Variants in CDH18 observed in about 807,000 individuals in gnomAD.
The protein encoded by CDH18 is cadherin 18.
In CDH18, 31 loss-of-function variants were observed where a neutral mutation model predicts 67.9. The ratio of observed to expected loss-of-function variants is 0.46; its 90% CI spans 0.34 to 0.62. The LOEUF (loss-of-function observed/expected upper bound fraction) is 0.62. CDH18 is among the 20% of genes least tolerant of loss of function. CDH18 has a pLI of 0.01. For synonymous variants in CDH18, 362 were observed against 347.2 expected (o/e 1.04, Z -0.48); for missense variants, 890 against 975.5 (o/e 0.91, Z 1.17).
chr5:20,487,955 T>C (rs1256079421), intron 1 of CDH18, among the ~76,000 whole-genome samples: 3 of 152,122 alleles, frequency 2.0e-5, no homozygotes, highest in African/African-American at 7.2e-5. Context: ...TGTGGAAGTC[T>C]CCTCCAGCTG....
chr5:20,442,242 G>A (rs1345348519), intron 1 of CDH18, among the ~76,000 whole-genome samples: 1 of 151,786 alleles, frequency 6.6e-6, no homozygotes, highest in Admixed American at 6.6e-5. Flanking sequence ...ATACACAAGC[G>A]AAGGAAACTC....
chr5:19,921,306 C>G (rs529459113), intron 2 of CDH18, among the ~76,000 whole-genome samples: 24 of 151,988 alleles, frequency 1.6e-4, no homozygotes, highest in African/African-American at 5.1e-4. Context: ...CCAAGGCGGG[C>G]GGATCACGAG....
chr5:20,420,215 A>T (rs1194736927), intron 1 of CDH18, among the ~76,000 whole-genome samples: 2 of 151,310 alleles, frequency 1.3e-5, no homozygotes, highest in East Asian at 3.9e-4. Context: ...CCTTGTTAAT[A>T]CGCCAAACTC....
chr5:20,225,405 C>A (rs941859330), intron 2 of CDH18, among the ~76,000 whole-genome samples: 1 of 152,074 alleles, frequency 6.6e-6, no homozygotes, highest in Non-Finnish European at 1.5e-5. Flanking sequence ...GATCAACTTT[C>A]TACGTCATAA....
At chr5:20,192,752 A>T (rs1257962283) in intron 2 of CDH18, among the ~76,000 whole-genome samples, 1 of 152,124 alleles carries the variant, frequency 6.6e-6, no homozygotes, top group Non-Finnish European at 1.5e-5. Flanking sequence ...TGGTTACAGT[A>T]GCCTTGTAGT....
rs118165155 is a variant in CDH18, at chr5:19,694,772, T to C, written c.643+26575A>G. Among the ~76,000 whole-genome samples the C allele has an allele frequency of 4.6e-3, 700 of 152,048 alleles. 19 individuals carry two copies. The East Asian group carries it at 0.065, about 14-fold the overall frequency. On this transcript the variant is annotated intron_variant, in intron 5 of 12. Coordinates refer to ENST00000382275, the MANE Select transcript of CDH18 (RefSeq NM_004934.5). ...ACTGTTTATTGAATGTTAGTGATGA[T>C]TTGTTGAATAAATGAACAACAAGGA...
intron 2 of CDH18, among the ~76,000 whole-genome samples, chr5:20,182,957 C>G (rs942734069): frequency 4.6e-5 from 7 of 152,182 alleles, no homozygotes; most frequent in African/African-American, 1.7e-4. Flanking sequence ...ATAGTTTAAC[C>G]TGAAGGGTAT....
At chr5:19,865,175 A>G (rs1273928368) in intron 2 of CDH18, among the ~76,000 whole-genome samples, 1 of 152,082 alleles carries the variant, frequency 6.6e-6, no homozygotes, top group Non-Finnish European at 1.5e-5. Flanking sequence ...ATAAAGCCAC[A>G]CTTGCTGTGG....
rs757184101 is a variant in CDH18 at position 20,471,833 on chromosome 5, T to TTAAAAAAAAAAAAAAAAAAAA, written c.-580+103628_-580+103629insTTTTTTTTTTTTTTTTTTTTA. ...CTGGGCAACAGATCGAGATTCAGTC[T>TTAAAAAAAAAAAAAAAAAAAA]AAAAAAAAAAAAAAAAAAGCAAAAG... On this transcript the variant is annotated intron_variant, in intron 1 of 14. Coordinates refer to the CDH18 transcript ENST00000507958. Among the ~76,000 whole-genome samples the TTAAAAAAAAAAAAAAAAAAAA allele has an allele frequency of 6.4e-4, 33 of 51,486 alleles. 2 individuals are homozygous for TTAAAAAAAAAAAAAAAAAAAA. Among genetic ancestry groups the TTAAAAAAAAAAAAAAAAAAAA allele is most frequent in the African/African-American group, 2.1e-3 (32 of 15,488 alleles). The allele number at this position is 51,486 out of a possible 152,430, so 33.8% of individuals were successfully genotyped here.
intron 1 of CDH18, among the ~76,000 whole-genome samples, chr5:20,337,079 CTGGAAACCTGAT>C (rs1739843321): frequency 6.6e-6 from 1 of 152,326 alleles, no homozygotes; most frequent in Admixed American, 6.5e-5. Context: ...AGCCCCATTT[CTGGAAACCTGAT>C]TTCAGACCCC....
rs74716870 is a variant in CDH18 at position 19,877,243 on chromosome 5, G to A, written c.-256-38001C>T. 5.8e-3 allele frequency among the ~76,000 whole-genome samples: 886 copies of A among 152,026 alleles called. 10 individuals carry two copies. The highest frequency in any genetic ancestry group is 0.02 in the African/African-American group (827 of 41,486). ...AAAAAAAAAACCTATATTAAATGTCGTAAAAAGTGGGGAAAATCGTTACTT... is the reference window on the plus strand; with the variant it reads ...AAAAAAAAAACCTATATTAAATGTCATAAAAAGTGGGGAAAATCGTTACTT... On this transcript the variant is annotated intron_variant, in intron 2 of 12. Transcript: ENST00000382275.
chr5:20,164,954 A>C (rs936590672), intron 2 of CDH18, among the ~76,000 whole-genome samples: 4 of 152,140 alleles, frequency 2.6e-5, no homozygotes, highest in Non-Finnish European at 5.9e-5. Context: ...TTTCTTCCCC[A>C]GTGAGCGGAT....
At chr5:20,384,516 G>A (rs746821162) in intron 1 of CDH18, among the ~76,000 whole-genome samples, 7 of 151,964 alleles carry the variant, frequency 4.6e-5, no homozygotes, top group Admixed American at 1.3e-4. Flanking sequence ...ATTTCATCTC[G>A]TGTCTTTGTG....
At chr5:20,128,066 G>A (rs929715372) in intron 2 of CDH18, among the ~76,000 whole-genome samples, 1 of 151,988 alleles carries the variant, frequency 6.6e-6, no homozygotes, top group South Asian at 2.1e-4. Context: ...GCTCACGCTA[G>A]TCTCCCCAGT....
chr5:20,366,851 C>T (rs894038300), intron 1 of CDH18, among the ~76,000 whole-genome samples: 1 of 152,124 alleles, frequency 6.6e-6, no homozygotes, highest in African/African-American at 2.4e-5. Context: ...GGCAGGATGG[C>T]TCCTCCTTCC....
intron 1 of CDH18, among the ~76,000 whole-genome samples, chr5:20,391,889 G>T (rs1744893943): frequency 6.6e-6 from 1 of 151,760 alleles, no homozygotes; most frequent in South Asian, 2.1e-4. Flanking sequence ...AGCTTTACAA[G>T]AATGCAGAAC....
At chr5:20,064,366 A>C (rs980049080) in intron 2 of CDH18, among the ~76,000 whole-genome samples, 2 of 152,174 alleles carry the variant, frequency 1.3e-5, no homozygotes, top group African/African-American at 4.8e-5. Context: ...AAAATTGGCA[A>C]ATAAAATGGC....
At chr5:20,126,327 A>T (rs1187103967) in intron 2 of CDH18, among the ~76,000 whole-genome samples, 2 of 152,182 alleles carry the variant, frequency 1.3e-5, no homozygotes, top group Non-Finnish European at 2.9e-5. Context: ...TGGATTAAAC[A>T]CTTAAGTCTA....
intron 2 of CDH18, among the ~76,000 whole-genome samples, chr5:20,175,624 C>T (rs1023185874): frequency 1.3e-5 from 2 of 152,082 alleles, no homozygotes; most frequent in African/African-American, 4.8e-5. Context: ...AGTAAGAGTT[C>T]TCTAAAGGGA....
Sources: allele counts gnomAD v4.1 joint callset (sites outside exome capture counted in the v4.1 genomes callset), GRCh38; gene constraint gnomAD v4.1.1; transcripts MANE v1.5; gene names NCBI Gene and HGNC (gene_info 2026-07-23, HGNC 2026-07-21).